Variants in ELAPOR1 observed in about 807,000 individuals in gnomAD.
ELAPOR1 encodes the protein endosome-lysosome associated apoptosis and autophagy regulator 1.
Under a neutral mutation model 119.7 loss-of-function variants are expected in ELAPOR1, and 77 were observed. The observed-to-expected ratio is 0.64, with a 90% CI of 0.54 to 0.78. The LOEUF (loss-of-function observed/expected upper bound fraction) is 0.78, where lower values mean the gene tolerates loss of function less well. ELAPOR1 is among the 30% of genes least tolerant of loss of function. ELAPOR1 has a pLI of 0.00. For missense variants in ELAPOR1, 1,115 were observed against 1,270.4 expected (o/e 0.88, Z 1.86); for synonymous variants, 481 against 487.2 (o/e 0.99, Z 0.17).
intron 2 of ELAPOR1, 97 bp from the exon 3 acceptor site, chr1:109,164,402 C>G (rs1436481841): frequency 2.9e-6 from 3 of 1,039,804 alleles, no homozygotes; most frequent in African/African-American, 3.2e-5. Context: ...CTCCTAGACC[C>G]CAACCCAGCG....
rs1211664819 is a variant in ELAPOR1, at chr1:109,114,417, G to A, written c.153+81G>A. 6 of 1,427,804 alleles carry A rather than the reference G, an allele frequency of 4.2e-6. No homozygotes were observed. In the Admixed American group the frequency reaches 1.1e-4, roughly 25 times the overall value. The allele number at this position is 1,427,804 out of a possible 1,614,324, so 88.4% of individuals were successfully genotyped here. On this transcript the variant is annotated intron_variant, in intron 1 of 21. Transcript: ENST00000369939. ...CGGAGACCTTGGGGACCCAGGCGCAGAGAGTTTCAGACGCCACGGAGTTTA... is the reference window on the plus strand; with the variant it reads ...CGGAGACCTTGGGGACCCAGGCGCAAAGAGTTTCAGACGCCACGGAGTTTA...
chr1:109,173,913 G>A, intron 7 of ELAPOR1, 76 bp downstream of exon 7: 2 of 1,507,076 alleles, frequency 1.3e-6, no homozygotes, highest in African/African-American at 1.4e-5. Context: ...CCAGGGAATA[G>A]AGCCATCCTT....
intron 1 of ELAPOR1, among the ~76,000 whole-genome samples, chr1:109,138,852 G>A (rs1044933117): frequency 0.014 from 1,274 of 90,790 alleles, 1 homozygote; most frequent in Non-Finnish European, 0.019. Flanking sequence ...AAAAAAAAAA[G>A]AATCTTCTCC....
chr1:109,194,424 C>T lies in ELAPOR1; in HGVS notation c.1951C>T (p.His651Tyr), dbSNP rs375454208. The T allele has an allele frequency of 3.1e-6, 5 of 1,613,430 alleles. No individual in the cohort carries two copies. Among genetic ancestry groups the T allele is most frequent in the African/African-American group, 1.3e-5 (1 of 74,922 alleles). The change falls in exon 15 of 22, where the codon CAC becomes TAC. Residue 651 changes from histidine (H) to tyrosine (Y), a missense_variant. Coordinates refer to ENST00000369939, the MANE Select transcript of ELAPOR1 (RefSeq NM_020775.5). ...CGPGTKNNKI[H>Y]SLCYNDCTFS... ...GACCCGTCCCTCTCCCCCTCAGATCCACTCTCTGTGCTACAACGATTGCAC... is the reference window on the plus strand; with the variant it reads ...GACCCGTCCCTCTCCCCCTCAGATCTACTCTCTGTGCTACAACGATTGCAC...
chr1:109,190,807 C>A (rs912358829), intron 11 of ELAPOR1, among the ~76,000 whole-genome samples: 1 of 152,228 alleles, frequency 6.6e-6, no homozygotes, highest in African/African-American at 2.4e-5. Context: ...AAACGGAGGA[C>A]TTTGCTGGAT....
At chr1:109,120,889 G>A (rs557324717) in intron 1 of ELAPOR1, among the ~76,000 whole-genome samples, 33 of 152,170 alleles carry the variant, frequency 2.2e-4, no homozygotes, top group Non-Finnish European at 4.1e-4. Context: ...AACTTCTAGG[G>A]CCAGGCTTCT....
chr1:109,175,175 A>G (rs868669757), intron 7 of ELAPOR1, among the ~76,000 whole-genome samples: 2 of 151,554 alleles, frequency 1.3e-5, no homozygotes, highest in Non-Finnish European at 2.9e-5. Flanking sequence ...CATTTTTTTT[A>G]AGTGGTGAAT....
At chr1:109,148,067 G>A (rs918642616) in intron 1 of ELAPOR1, among the ~76,000 whole-genome samples, 1 of 150,804 alleles carries the variant, frequency 6.6e-6, no homozygotes, top group East Asian at 1.9e-4. Flanking sequence ...TCGATCTCCT[G>A]ACCTCGTGAT....
chr1:109,154,690 T>G (rs1468494544), intron 1 of ELAPOR1, among the ~76,000 whole-genome samples: 1 of 152,214 alleles, frequency 6.6e-6, no homozygotes, highest in Non-Finnish European at 1.5e-5. Context: ...GGTAGAACAG[T>G]AGACCTCACT....
chr1:109,187,312 G>A (rs1653112424), intron 8 of ELAPOR1: 1 of 985,386 alleles, frequency 1.0e-6, no homozygotes, highest in African/African-American at 1.7e-5. Flanking sequence ...GGCTCTGGCT[G>A]TCGCAGCCCT....
intron 1 of ELAPOR1, among the ~76,000 whole-genome samples, chr1:109,146,599 A>C (rs1318114311): frequency 6.6e-6 from 1 of 152,178 alleles, no homozygotes; most frequent in Non-Finnish European, 1.5e-5. Flanking sequence ...CTTTTCTAAG[A>C]GAGAAATGTA....
chr1:109,163,877 G>T (rs1436846985), intron 2 of ELAPOR1, among the ~76,000 whole-genome samples: 1 of 152,078 alleles, frequency 6.6e-6, no homozygotes, highest in East Asian at 1.9e-4. Flanking sequence ...AAGGCTGAAG[G>T]GCCATGTGTC....
In ELAPOR1 at chr1:109,191,760, C is replaced by T. The variant is rs41279692; in HGVS notation, c.1580C>T (p.Thr527Met). ...VNSRTNTPVE[T>M]WKGSKGKQSY... ...TCTAGGACCAACACTCCTGTGGAGA[C>T]GTGGAAAGGTTCCAAAGGCAAACAG... The change falls in exon 13 of 22, where the codon ACG (threonine) becomes ATG (methionine). Residue 527 changes from threonine (T) to methionine (M), a missense_variant. Coordinates refer to ENST00000369939, the MANE Select transcript of ELAPOR1 (RefSeq NM_020775.5). 1.7e-5 allele frequency: 27 copies of T among 1,614,068 alleles called. No individual in the cohort carries two copies. Among genetic ancestry groups the T allele is most frequent in the East Asian group, 4.5e-5 (2 of 44,906 alleles).
intron 1 of ELAPOR1, among the ~76,000 whole-genome samples, chr1:109,156,709 C>A (rs558635153): frequency 6.5e-4 from 97 of 150,252 alleles, no homozygotes; most frequent in African/African-American, 2.3e-3. Context: ...TTATCCCCCG[C>A]TGCCCCACTT....
Position 109,189,050 on chromosome 1 carries a change from G to T in ELAPOR1, c.1220-16G>T, listed in dbSNP as rs1653249686. 2 of 1,612,194 alleles carry T rather than the reference G, an allele frequency of 1.2e-6. No homozygotes were observed. Among genetic ancestry groups the T allele is most frequent in the Non-Finnish European group, 1.7e-6 (2 of 1,179,310 alleles). On this transcript the variant is annotated splice_polypyrimidine_tract_variant and intron_variant, in intron 9 of 21. Transcript: ENST00000369939. ...CCTTCCCACTGAATGCATGGATCTTGTTTGTGGTTCCCCAGACTGTACCCG... is the reference window on the plus strand; with the variant it reads ...CCTTCCCACTGAATGCATGGATCTTTTTTGTGGTTCCCCAGACTGTACCCG...
chr1:109,141,269 A>AT (rs111230291), intron 1 of ELAPOR1, among the ~76,000 whole-genome samples: 27,226 of 151,516 alleles, frequency 0.18, 2,807 homozygotes, highest in African/African-American at 0.28. Flanking sequence ...TTATTAATTA[A>AT]TTTTTTTTTG....
At chr1:109,187,467 G>A (rs1002797873) in intron 8 of ELAPOR1, 3 of 998,934 alleles carry the variant, frequency 3.0e-6, no homozygotes, top group Non-Finnish European at 3.6e-6. Context: ...CTTTTCATAT[G>A]TATGGTATCT....
intron 9 of ELAPOR1, 133 bp from the exon 10 acceptor site, chr1:109,188,933 C>T (rs922492541): frequency 3.0e-5 from 28 of 946,820 alleles, no homozygotes; most frequent in African/African-American, 2.0e-4. Flanking sequence ...GATACAACTT[C>T]CTGCAGCAGT....
At chr1:109,154,773 T>C (rs992378991) in intron 1 of ELAPOR1, among the ~76,000 whole-genome samples, 1 of 152,252 alleles carries the variant, frequency 6.6e-6, no homozygotes, top group Admixed American at 6.5e-5. Flanking sequence ...GCTCTGCTGT[T>C]GCAGGGGTTA....
Sources: allele counts gnomAD v4.1 joint callset (sites outside exome capture counted in the v4.1 genomes callset), GRCh38; gene constraint gnomAD v4.1.1; transcripts MANE v1.5; gene names NCBI Gene and HGNC (gene_info 2026-07-23, HGNC 2026-07-21).